Variants in LIMCH1 observed in about 807,000 individuals in gnomAD.
LIMCH1 encodes the protein LIM and calponin homology domains 1.
A neutral mutation model predicts 176.5 loss-of-function variants in LIMCH1; 113 were observed. That is an observed-to-expected ratio of 0.64 (90% confidence interval 0.55 to 0.75). The LOEUF (loss-of-function observed/expected upper bound fraction) is 0.75. Among genes scored for constraint, LIMCH1 ranks in the 30% least tolerant of loss-of-function variants. The pLI is 0.00. For missense variants in LIMCH1, 1,674 were observed against 1,814.9 expected, an observed-to-expected ratio of 0.92 and a Z score of 1.41; for synonymous variants, 619 against 645.9, an observed-to-expected ratio of 0.96 and a Z score of 0.63.
At chr4:41,670,750 G>C in intron 21 of LIMCH1, 1 of 1,535,824 alleles carries the variant, frequency 6.5e-7, no homozygotes, top group East Asian at 2.4e-5. Context: ...TCCGCTTAGA[G>C]TTCAGAACTC....
At chr4:41,466,876 CTT>C (rs1021437671) in intron 1 of LIMCH1, among the ~76,000 whole-genome samples, 1 of 152,094 alleles carries the variant, frequency 6.6e-6, no homozygotes, top group African/African-American at 2.4e-5. Context: ...CCACAGAACT[CTT>C]TTTGTCTTGT....
At chr4:41,535,512 A>G (rs1467415734), upstream of LIMCH1, among the ~76,000 whole-genome samples, 1 of 151,956 alleles carries the variant, frequency 6.6e-6, no homozygotes, top group Admixed American at 6.6e-5. Context: ...ATCTGTGTCC[A>G]TATTTTGCCT....
chr4:41,440,083 G>T (rs762919537), intron 1 of LIMCH1, among the ~76,000 whole-genome samples: 7 of 152,178 alleles, frequency 4.6e-5, no homozygotes, highest in Non-Finnish European at 8.8e-5. Flanking sequence ...ATTTACAGCT[G>T]CTGGAGGAAA....
intron 1 of LIMCH1, among the ~76,000 whole-genome samples, chr4:41,546,961 T>C (rs2079521489): frequency 6.6e-6 from 1 of 152,140 alleles, no homozygotes; most frequent in African/African-American, 2.4e-5. Context: ...GATTTGCAAA[T>C]GGAGATTTTT....
intron 4 of LIMCH1, among the ~76,000 whole-genome samples, chr4:41,607,920 C>A (rs1158933530): frequency 2.0e-5 from 3 of 152,176 alleles, no homozygotes; most frequent in African/African-American, 7.2e-5. Context: ...ACTATCTGAG[C>A]ACCTGGAAAT....
intron 1 of LIMCH1, among the ~76,000 whole-genome samples, chr4:41,382,450 G>A (rs1270316432): frequency 3.9e-5 from 6 of 152,086 alleles, no homozygotes; most frequent in Admixed American, 6.5e-5. Flanking sequence ...AAGGAAACAG[G>A]GCTATGAGTT....
intron 1 of LIMCH1, among the ~76,000 whole-genome samples, chr4:41,542,456 A>T (rs1177622567): frequency 6.6e-6 from 1 of 152,050 alleles, no homozygotes; most frequent in Admixed American, 6.6e-5. Flanking sequence ...GTGTGAATTT[A>T]ACAGTAAAAA....
chr4:41,689,278 A>C (rs1723426531), intron 29 of LIMCH1, among the ~76,000 whole-genome samples: 1 of 152,212 alleles, frequency 6.6e-6, no homozygotes, highest in South Asian at 2.1e-4. Context: ...AAATAACCTA[A>C]TAACTTAAAC....
chr4:41,631,032 G>T, intron 9 of LIMCH1, 116 bp from the exon 10 acceptor site: 1 of 855,948 alleles, frequency 1.2e-6, no homozygotes, highest in East Asian at 2.7e-5. Context: ...GTGGGATGCC[G>T]AACTCACTGA....
At chr4:41,386,104 G>A (rs1020206095) in intron 1 of LIMCH1, 1 of 152,188 alleles carries the variant, frequency 6.6e-6, no homozygotes, top group Admixed American at 6.5e-5. Flanking sequence ...GTAGAATCAA[G>A]CCATGTACCA....
At chr4:41,567,559 A>G (rs929624616) in intron 1 of LIMCH1, among the ~76,000 whole-genome samples, 2 of 152,170 alleles carry the variant, frequency 1.3e-5, no homozygotes, top group African/African-American at 2.4e-5. Context: ...AGGGTTAGGT[A>G]CTGAGTTAGG....
intron 18 of LIMCH1, among the ~76,000 whole-genome samples, chr4:41,657,382 T>C (rs1325312579): frequency 6.6e-6 from 1 of 152,218 alleles, no homozygotes; most frequent in Non-Finnish European, 1.5e-5. Context: ...GAAGTAATGA[T>C]GTGAGTACAA....
intron 20 of LIMCH1, among the ~76,000 whole-genome samples, chr4:41,663,495 A>G (rs1010947824): frequency 2.6e-5 from 4 of 152,106 alleles, no homozygotes; most frequent in African/African-American, 9.7e-5. Context: ...ATAATCATCT[A>G]TTTGTTAGCC....
chr4:41,627,019 G>GGTGTGTGTGGGT lies in LIMCH1; in HGVS notation c.1028+18_1028+19insGGTGTGTGTGTG. Reference sequence around the variant, plus strand: ...AGTCTAGAATATAAAAGGTGTGCATGGTGTGTGTGTGTGTGTGTGTGTGTG... The same window carrying GGTGTGTGTGGGT: ...AGTCTAGAATATAAAAGGTGTGCATGGTGTGTGTGGGTGTGTGTGTGTGTGTGTGTGTGTGTG... On this transcript the variant is annotated intron_variant, in intron 8 of 31. Coordinates refer to ENST00000503057, the MANE Select transcript of LIMCH1 (RefSeq NM_001330672.2). 7.1e-7 allele frequency: 1 copy of GGTGTGTGTGGGT among 1,406,614 alleles called. No individual in the cohort carries two copies. The highest frequency in any genetic ancestry group is 2.3e-5 in the Admixed American group (1 of 43,056). 87.1% of individuals were successfully genotyped at this position (1,406,614 alleles called of 1,614,324 possible).
chr4:41,612,961 C>A, intron 4 of LIMCH1: 1 of 1,529,752 alleles, frequency 6.5e-7, no homozygotes, highest in East Asian at 2.5e-5. Flanking sequence ...CAGGATTTTA[C>A]AGAACTGATT....
intron 1 of LIMCH1, among the ~76,000 whole-genome samples, chr4:41,545,990 A>G (rs1284511704): frequency 1.3e-5 from 2 of 152,070 alleles, no homozygotes; most frequent in Non-Finnish European, 2.9e-5. Context: ...TGCTTGGTCT[A>G]CCTGTTTATT....
intron 4 of LIMCH1, chr4:41,612,781 G>A: frequency 1.2e-6 from 1 of 842,994 alleles, no homozygotes; most frequent in Non-Finnish European, 1.8e-6. Context: ...AGAGCTGGCT[G>A]AGAGCGAGAG....
At chr4:41,474,325 A>G (rs1167314141) in intron 1 of LIMCH1, among the ~76,000 whole-genome samples, 1 of 152,190 alleles carries the variant, frequency 6.6e-6, no homozygotes, top group Non-Finnish European at 1.5e-5. Flanking sequence ...TGTCTCTACT[A>G]AAAATACAAA....
Position 41,473,216 on chromosome 4 carries a change from GT to G in LIMCH1, c.97-21318del, listed in dbSNP as rs995802746. 1.0e-4 allele frequency: 101 copies of G among 982,100 alleles called. No homozygotes were observed. The African/African-American group carries it at 1.6e-3, about 16-fold the overall frequency. The allele number at this position is 982,100 out of a possible 1,614,324, so 60.8% of individuals were successfully genotyped here. ...GAAAGGTGTGTGCTGTTTACTGCAT[GT>G]TCTTTGAGATGTTAGTTCTGTTTCT... On this transcript the variant is annotated intron_variant, in intron 1 of 26. Transcript: ENST00000313860.
Sources: gnomAD v4.1 joint callset for allele counts (sites outside exome capture counted in the v4.1 genomes callset) on GRCh38, gnomAD v4.1.1 for gene constraint, MANE v1.5 for transcripts, NCBI Gene and HGNC (gene_info 2026-07-23, HGNC 2026-07-21) for gene names.